SCFD2: variants seen among roughly 807,000 people sequenced by gnomAD.
SCFD2 encodes the protein sec1 family domain containing 2, also known as sec1 family domain-containing protein 2.
A neutral mutation model predicts 58.9 loss-of-function variants in SCFD2; 54 were observed. The observed-to-expected ratio is 0.92, with a 90% CI of 0.74 to 1.15. The LOEUF is 1.15. SCFD2 is among the 50% of genes most tolerant of loss of function. The pLI is 0.00. For synonymous variants in SCFD2, 321 were observed against 335.9 expected (o/e 0.96, Z 0.49); for missense variants, 805 against 836.6 (o/e 0.96, Z 0.47).
At chr4:53,259,124 T>A (rs1730749237) in intron 4 of SCFD2, among the ~76,000 whole-genome samples, 1 of 152,220 alleles carries the variant, frequency 6.6e-6, no homozygotes, top group Non-Finnish European at 1.5e-5. Context: ...TATTACTTCT[T>A]AGTCAGATGT....
At chr4:53,203,169 T>C (rs1398011448) in intron 4 of SCFD2, among the ~76,000 whole-genome samples, 3 of 152,222 alleles carry the variant, frequency 2.0e-5, no homozygotes, top group African/African-American at 7.2e-5. Context: ...GGGTGTGTCA[T>C]AGATAGCTCT....
At chr4:52,961,378 G>T (rs1027510604) in intron 5 of SCFD2, among the ~76,000 whole-genome samples, 1 of 152,176 alleles carries the variant, frequency 6.6e-6, no homozygotes, top group Non-Finnish European at 1.5e-5. Context: ...ACTGAGAGAG[G>T]CAGAGCCAAG....
intron 4 of SCFD2, among the ~76,000 whole-genome samples, chr4:53,246,424 T>A (rs373259059): frequency 6.6e-6 from 1 of 152,152 alleles, no homozygotes; most frequent in East Asian, 1.9e-4. Flanking sequence ...GCTGGACACA[T>A]CACACTACCC....
At chr4:53,195,386 T>C (rs985510056) in intron 4 of SCFD2, among the ~76,000 whole-genome samples, 1 of 152,164 alleles carries the variant, frequency 6.6e-6, no homozygotes, top group African/African-American at 2.4e-5. Flanking sequence ...GTCAAATAAA[T>C]GACTTTCCTT....
At chr4:53,293,366 AC>A (rs1411388850) in intron 3 of SCFD2, among the ~76,000 whole-genome samples, 5 of 152,058 alleles carry the variant, frequency 3.3e-5, no homozygotes, top group Admixed American at 3.3e-4. Flanking sequence ...TGGGCATAAT[AC>A]CTAAGTGATA....
chr4:52,941,545 G>A lies in SCFD2; in HGVS notation c.1562-20675C>T, dbSNP rs200518374. Among the ~76,000 whole-genome samples, 26 of 152,318 alleles carry A rather than the reference G, an allele frequency of 1.7e-4. No individual in the cohort carries two copies. The East Asian group carries it at 1.9e-3, about 11-fold the overall frequency. ...TACAATGTTGAATTATTACCCCACTGTGTTAAACCTAACTGTCTTCATCAT... is the reference window on the plus strand; with the variant it reads ...TACAATGTTGAATTATTACCCCACTATGTTAAACCTAACTGTCTTCATCAT... On this transcript the variant is annotated intron_variant, in intron 5 of 8. Coordinates refer to ENST00000401642, the MANE Select transcript of SCFD2 (RefSeq NM_152540.4).
At chr4:53,335,014 T>C (rs1371089999) in intron 2 of SCFD2, among the ~76,000 whole-genome samples, 2 of 151,778 alleles carry the variant, frequency 1.3e-5, no homozygotes, top group Middle Eastern at 3.2e-3. Context: ...CTAGCCAACA[T>C]AGCAAAACCC....
intron 2 of SCFD2, 43 bp downstream of exon 2, chr4:53,352,555 G>A (rs1432007059): frequency 5.3e-6 from 8 of 1,505,518 alleles, no homozygotes; most frequent in Admixed American, 1.7e-5. Context: ...AAAAGAAAGG[G>A]GAAGACAGAG....
intron 2 of SCFD2, among the ~76,000 whole-genome samples, chr4:53,346,499 C>T (rs1439139845): frequency 6.6e-6 from 1 of 152,038 alleles, no homozygotes; most frequent in East Asian, 1.9e-4. Context: ...GTCTCAAACT[C>T]CTGACCTCAA....
intron 2 of SCFD2, among the ~76,000 whole-genome samples, chr4:53,336,800 C>T (rs1321332502): frequency 1.3e-5 from 2 of 152,228 alleles, no homozygotes; most frequent in East Asian, 1.9e-4. Context: ...CAGGCATGAA[C>T]CACTGCACCC....
intron 1 of SCFD2, among the ~76,000 whole-genome samples, chr4:53,361,137 A>G (rs1346335174): frequency 6.6e-6 from 1 of 152,216 alleles, no homozygotes; most frequent in Non-Finnish European, 1.5e-5. Flanking sequence ...AACAAATGTA[A>G]AGAAAGTAAG....
chr4:53,277,831 T>A (rs2149073294), intron 3 of SCFD2, among the ~76,000 whole-genome samples: 1 of 151,734 alleles, frequency 6.6e-6, no homozygotes, highest in South Asian at 2.1e-4. Context: ...GGCGGGCAGA[T>A]CACGAGGTCA....
At chr4:53,174,035 A>T (rs1178633931) in intron 4 of SCFD2, among the ~76,000 whole-genome samples, 2 of 152,158 alleles carry the variant, frequency 1.3e-5, no homozygotes, top group African/African-American at 4.8e-5. Flanking sequence ...TGATATTTTT[A>T]AAAAAGAAGA....
At chr4:53,290,665 A>T (rs1731810800) in intron 3 of SCFD2, among the ~76,000 whole-genome samples, 1 of 152,024 alleles carries the variant, frequency 6.6e-6, no homozygotes, top group South Asian at 2.1e-4. Context: ...AAATAATTTT[A>T]AAAAAGATGG....
At chr4:52,967,286 C>G (rs1720984208) in intron 5 of SCFD2, among the ~76,000 whole-genome samples, 1 of 152,168 alleles carries the variant, frequency 6.6e-6, no homozygotes, top group African/African-American at 2.4e-5. Flanking sequence ...CCACATGGAA[C>G]CCCAGCTTGC....
At chr4:53,249,218 G>A (rs1424987566) in intron 4 of SCFD2, among the ~76,000 whole-genome samples, 2 of 152,146 alleles carry the variant, frequency 1.3e-5, no homozygotes, top group African/African-American at 2.4e-5. Context: ...GATGGAAGAT[G>A]AAATGAATAA....
intron 5 of SCFD2, among the ~76,000 whole-genome samples, chr4:52,945,375 C>T (rs1202109888): frequency 2.6e-5 from 4 of 152,098 alleles, no homozygotes; most frequent in African/African-American, 9.7e-5. Context: ...GGTTGGAATG[C>T]CTTGTTTTTA....
At chr4:53,330,537 G>A (rs1733412328) in intron 2 of SCFD2, among the ~76,000 whole-genome samples, 1 of 151,992 alleles carries the variant, frequency 6.6e-6, no homozygotes, top group Non-Finnish European at 1.5e-5. Context: ...TTACAGACAA[G>A]CAAATGCTGA....
chr4:53,358,524 G>C (rs1734462341), intron 1 of SCFD2, among the ~76,000 whole-genome samples: 1 of 148,880 alleles, frequency 6.7e-6, no homozygotes, highest in Non-Finnish European at 1.5e-5. Context: ...TTGCACTCCA[G>C]CCTGGGCAAC....
Sources: allele counts gnomAD v4.1 joint callset (sites outside exome capture counted in the v4.1 genomes callset), GRCh38; gene constraint gnomAD v4.1.1; transcripts MANE v1.5; gene names NCBI Gene and HGNC (gene_info 2026-07-23, HGNC 2026-07-21).